Variants in RSU1 observed in about 807,000 individuals in gnomAD.
RSU1 encodes rsu-1.
RSU1 carries 26 observed loss-of-function variants against 31.1 expected under a neutral mutation model. That is an observed-to-expected ratio of 0.84 (90% CI 0.61 to 1.16). The LOEUF (loss-of-function observed/expected upper bound fraction) is 1.16, where lower values mean the gene tolerates loss of function less well. RSU1 is among the 50% of genes most tolerant of loss of function. RSU1 has a pLI of 0.00. For synonymous variants in RSU1, 164 were observed against 136.3 expected (o/e 1.20, Z -1.41); for missense variants, 320 against 339.1 (o/e 0.94, Z 0.44).
Position 16,592,820 on chromosome 10 carries a change from A to G in RSU1, c.*574T>C, listed in dbSNP as rs1457557865. ...TATCATGTATAACCAATAAAATTGG[A>G]TAAGATGATTTTGGGGGAGAAAAGT... On this transcript the variant is annotated 3_prime_UTR_variant, in exon 9 of 9. Transcript: ENST00000345264. 6.6e-6 allele frequency: 1 copy of G among 152,274 alleles called. No individual in the cohort carries two copies. Among genetic ancestry groups the G allele is most frequent in the Non-Finnish European group, 1.5e-5 (1 of 68,052 alleles). 9.4% of individuals were successfully genotyped at this position (152,274 alleles called of 1,614,324 possible).
intron 7 of RSU1, among the ~76,000 whole-genome samples, chr10:16,724,607 C>G (rs138938820): frequency 6.6e-6 from 1 of 152,156 alleles, no homozygotes; most frequent in South Asian, 2.1e-4. Flanking sequence ...CAGCACGTGG[C>G]AGAAGAGGAG....
At chr10:16,811,301 CTTA>C (rs951656255) in intron 2 of RSU1, among the ~76,000 whole-genome samples, 10 of 152,072 alleles carry the variant, frequency 6.6e-5, no homozygotes, top group African/African-American at 2.2e-4. Flanking sequence ...ATGACAAAAT[CTTA>C]TTATGCATTT....
At chr10:16,737,720 C>T (rs1836657219) in intron 7 of RSU1, among the ~76,000 whole-genome samples, 1 of 151,430 alleles carries the variant, frequency 6.6e-6, no homozygotes, top group Non-Finnish European at 1.5e-5. Flanking sequence ...AAAACTTTTT[C>T]CTCCTCTCTA....
intron 8 of RSU1, among the ~76,000 whole-genome samples, chr10:16,667,688 A>C (rs187725516): frequency 6.6e-6 from 1 of 152,232 alleles, no homozygotes; most frequent in African/African-American, 2.4e-5. Flanking sequence ...GCGTTTTGCC[A>C]TGTTGGCCAG....
At chr10:16,604,370 C>T (rs564557885) in intron 8 of RSU1, among the ~76,000 whole-genome samples, 13 of 152,246 alleles carry the variant, frequency 8.5e-5, no homozygotes, top group South Asian at 4.2e-4. Context: ...GCACTGAAAA[C>T]GGGGGAGAAA....
intron 7 of RSU1, among the ~76,000 whole-genome samples, chr10:16,751,475 G>A (rs1441684973): frequency 1.3e-5 from 2 of 152,124 alleles, no homozygotes; most frequent in South Asian, 2.1e-4. Context: ...GCTGATAGGC[G>A]TGCTCTGTGT....
intron 7 of RSU1, among the ~76,000 whole-genome samples, chr10:16,697,688 T>C (rs116026183): frequency 0.013 from 1,994 of 147,758 alleles, 38 homozygotes; most frequent in African/African-American, 0.047. Context: ...AAAGAAAAAA[T>C]ATGTGTATTG....
chr10:16,811,978 T>C (rs1227117508), intron 2 of RSU1, among the ~76,000 whole-genome samples: 4 of 152,058 alleles, frequency 2.6e-5, no homozygotes, highest in African/African-American at 7.2e-5. Flanking sequence ...TCACAGGAAA[T>C]GGAGTCATGT....
At chr10:16,693,021 G>A (rs1324505179) in intron 8 of RSU1, among the ~76,000 whole-genome samples, 1 of 152,066 alleles carries the variant, frequency 6.6e-6, no homozygotes, top group Non-Finnish European at 1.5e-5. Context: ...GGAGTGCAGT[G>A]GCACGATCTC....
intron 8 of RSU1, among the ~76,000 whole-genome samples, chr10:16,607,171 C>A (rs1833819697): frequency 6.6e-6 from 1 of 152,170 alleles, no homozygotes; most frequent in Non-Finnish European, 1.5e-5. Context: ...CATTGACGCC[C>A]TTGTGCTCTT....
Position 16,782,053 on chromosome 10 carries a change from G to A in RSU1, c.141C>T (p.Leu47=). The A allele has an allele frequency of 6.2e-7, 1 of 1,612,928 alleles. No individual in the cohort carries two copies. The highest frequency in any genetic ancestry group is 8.5e-7 in the Non-Finnish European group (1 of 1,179,608). The change falls in exon 3 of 9, where the codon CTC becomes CTT. Residue 47 remains leucine (L), a synonymous_variant. Transcript: ENST00000345264. ...FTLSHITQLV[L]SHNKLTMVPP... is the part of the protein sequence containing the mutation. ...ACTTACTTGTTAGCTTGTTATGGCTGAGGACCAGTTGTGTGATATGGGATA... is the reference window on the plus strand; with the variant it reads ...ACTTACTTGTTAGCTTGTTATGGCTAAGGACCAGTTGTGTGATATGGGATA...
At chr10:16,699,681 G>T (rs1487615640) in intron 7 of RSU1, among the ~76,000 whole-genome samples, 1 of 152,148 alleles carries the variant, frequency 6.6e-6, no homozygotes, top group Non-Finnish European at 1.5e-5. Context: ...TGACAAAGAG[G>T]ATCTAATAAG....
intron 7 of RSU1, among the ~76,000 whole-genome samples, chr10:16,730,125 C>A (rs72771308): frequency 2.0e-5 from 3 of 152,072 alleles, no homozygotes; most frequent in East Asian, 1.9e-4. Context: ...GAGGGCAAGA[C>A]GGAAGGGAGG....
intron 7 of RSU1, among the ~76,000 whole-genome samples, chr10:16,750,258 C>T (rs953297085): frequency 2.6e-5 from 4 of 152,140 alleles, no homozygotes; most frequent in African/African-American, 9.7e-5. Flanking sequence ...TTGCTTGTGA[C>T]AGTGACTTCT....
At chr10:16,598,325 G>A (rs1833656037) in intron 8 of RSU1, among the ~76,000 whole-genome samples, 1 of 152,054 alleles carries the variant, frequency 6.6e-6, no homozygotes, top group African/African-American at 2.4e-5. Flanking sequence ...GATTGCTTGA[G>A]GCCAGGCGTT....
chr10:16,756,843 T>C (rs73606862), intron 4 of RSU1, among the ~76,000 whole-genome samples: 10,774 of 136,894 alleles, frequency 0.079, 1,188 homozygotes, highest in African/African-American at 0.26. Flanking sequence ...GTGTGTGGTA[T>C]TGTGTGTGAT....
intron 2 of RSU1, among the ~76,000 whole-genome samples, chr10:16,785,804 G>A (rs1052564426): frequency 3.3e-5 from 5 of 151,760 alleles, no homozygotes; most frequent in East Asian, 1.9e-4. Flanking sequence ...CTTTGATCGC[G>A]TAAGTCTGCC....
At chr10:16,644,650 C>T (rs1043091040) in intron 8 of RSU1, among the ~76,000 whole-genome samples, 1 of 152,040 alleles carries the variant, frequency 6.6e-6, no homozygotes, top group Non-Finnish European at 1.5e-5. Flanking sequence ...CCACACATAG[C>T]GCAGTGTTCT....
At chr10:16,691,378 A>G (rs1247344195) in intron 8 of RSU1, among the ~76,000 whole-genome samples, 1 of 98,882 alleles carries the variant, frequency 1.0e-5, no homozygotes, top group East Asian at 3.2e-4. Flanking sequence ...ATTTTTGTGC[A>G]GTTTTTTTTT....
Sources: gnomAD v4.1 joint callset for allele counts (sites outside exome capture counted in the v4.1 genomes callset) on GRCh38, gnomAD v4.1.1 for gene constraint, MANE v1.5 for transcripts, NCBI Gene and HGNC (gene_info 2026-07-23, HGNC 2026-07-21) for gene names.